SLC9A9: variants seen among roughly 807,000 people sequenced by gnomAD.
The protein encoded by SLC9A9 is solute carrier family 9 member A9.
A neutral mutation model predicts 77.8 loss-of-function variants in SLC9A9; 62 were observed. The ratio of observed to expected loss-of-function variants is 0.80; its 90% CI spans 0.65 to 0.98. The LOEUF is 0.98. Among genes scored for constraint, SLC9A9 ranks in the 50% least tolerant of loss-of-function variants. The probability of loss-of-function intolerance (pLI) is 0.00; values close to 1 mark genes in which losing one functional copy is unlikely to be tolerated. For synonymous variants in SLC9A9, 320 were observed against 283.5 expected (o/e 1.13, Z -1.29); for missense variants, 775 against 774.9 (o/e 1.00, Z 0.00).
intron 12 of SLC9A9, among the ~76,000 whole-genome samples, chr3:143,427,923 A>G (rs1395519816): frequency 6.6e-6 from 1 of 152,196 alleles, no homozygotes; most frequent in Non-Finnish European, 1.5e-5. Flanking sequence ...CTCTCACCAT[A>G]TATACAAATC....
chr3:143,302,973 AG>A, intron 14 of SLC9A9, among the ~76,000 whole-genome samples: 1 of 152,294 alleles, frequency 6.6e-6, no homozygotes, highest in Non-Finnish European at 1.5e-5. Flanking sequence ...AACACCACGG[AG>A]GGCTTCTTGG....
At chr3:143,736,409 C>T (rs1212491145) in intron 4 of SLC9A9, among the ~76,000 whole-genome samples, 3 of 152,148 alleles carry the variant, frequency 2.0e-5, no homozygotes, top group South Asian at 2.1e-4. Flanking sequence ...TACTAAGCAT[C>T]GGCTACATAG....
intron 5 of SLC9A9, among the ~76,000 whole-genome samples, chr3:143,674,549 C>A (rs1429681046): frequency 2.0e-5 from 3 of 152,028 alleles, no homozygotes; most frequent in Non-Finnish European, 1.5e-5. Context: ...AGAATTAGAG[C>A]GACACCTAGC....
At chr3:143,306,310 C>G (rs1415644890) in intron 14 of SLC9A9, among the ~76,000 whole-genome samples, 3 of 152,172 alleles carry the variant, frequency 2.0e-5, no homozygotes, top group African/African-American at 7.2e-5. Context: ...ACAGGCTCGC[C>G]TCATAGAAAG....
At position 143,371,496 on chromosome 3, in the gene SLC9A9, T is replaced by A. The variant is rs144625522; in HGVS notation, c.1525-7933A>T. Among the ~76,000 whole-genome samples, 1,010 of 152,198 alleles carry A rather than the reference T, an allele frequency of 6.6e-3. 23 individuals are homozygous for A. The highest frequency in any genetic ancestry group is 9.3e-3 in the South Asian group (45 of 4,814). ...ATAAGACATAGCATATCATAACAACTGCTAGACATGGGAGGAAGCAGGAAA... is the reference window on the plus strand; with the variant it reads ...ATAAGACATAGCATATCATAACAACAGCTAGACATGGGAGGAAGCAGGAAA... On this transcript the variant is annotated intron_variant, in intron 13 of 15. Coordinates refer to ENST00000316549, the MANE Select transcript of SLC9A9 (RefSeq NM_173653.4).
chr3:143,466,499 A>G lies in SLC9A9; in HGVS notation c.1469+538T>C, dbSNP rs115210027. ...TGGAGGGCCACTGACTGAAGCCTTT[A>G]TCCCCTTTTCCTGTATGAAAGTGTC... On this transcript the variant is annotated intron_variant, in intron 12 of 15. Transcript: ENST00000316549. 2.9e-3 allele frequency among the ~76,000 whole-genome samples: 443 copies of G among 152,318 alleles called. 3 individuals are homozygous for G. Among genetic ancestry groups the G allele is most frequent in the African/African-American group, 9.9e-3 (410 of 41,564 alleles).
chr3:143,523,642 C>A (rs766820982), intron 9 of SLC9A9, among the ~76,000 whole-genome samples: 3 of 152,160 alleles, frequency 2.0e-5, no homozygotes, highest in Non-Finnish European at 4.4e-5. Context: ...TTAATACCTA[C>A]TGTGCAAACT....
chr3:143,766,063 A>T (rs1194923385), intron 4 of SLC9A9, among the ~76,000 whole-genome samples: 1 of 152,182 alleles, frequency 6.6e-6, no homozygotes, highest in Admixed American at 6.6e-5. Flanking sequence ...CCAGCAGAGC[A>T]AAGCCTAAAG....
In SLC9A9 at chr3:143,848,335, T is replaced by C. The variant is rs376458609; in HGVS notation, c.-13A>G. 2 of 1,613,760 alleles carry C rather than the reference T, an allele frequency of 1.2e-6. No homozygotes were observed. Among genetic ancestry groups the C allele is most frequent in the African/African-American group, 2.7e-5 (2 of 74,908 alleles). On this transcript the variant is annotated 5_prime_UTR_variant, in exon 1 of 16. Transcript: ENST00000316549. ...ACTGTCTCTCCATTCCCCAGTCTTC[T>C]TGGGATTCCTTAGATAAAAACCTGG...
chr3:143,372,186 C>A (rs2033073583), intron 13 of SLC9A9, among the ~76,000 whole-genome samples: 1 of 152,072 alleles, frequency 6.6e-6, no homozygotes, highest in Admixed American at 6.5e-5. Context: ...AAAATAACTA[C>A]CGTTTTTCAC....
chr3:143,673,451 G>T (rs2039190336), intron 5 of SLC9A9, among the ~76,000 whole-genome samples: 1 of 151,402 alleles, frequency 6.6e-6, no homozygotes, highest in Non-Finnish European at 1.5e-5. Flanking sequence ...AAATCACAAA[G>T]AAAATGCACA....
intron 4 of SLC9A9, among the ~76,000 whole-genome samples, chr3:143,767,759 A>T (rs546567415): frequency 1.1e-4 from 17 of 152,314 alleles, no homozygotes; most frequent in African/African-American, 3.8e-4. Flanking sequence ...AGAAATGGCT[A>T]TTTAGATGCC....
chr3:143,716,163 C>T (rs1265113826), intron 4 of SLC9A9, among the ~76,000 whole-genome samples: 1 of 152,136 alleles, frequency 6.6e-6, no homozygotes, highest in Non-Finnish European at 1.5e-5. Flanking sequence ...TAGCCTTGAC[C>T]TCCTGGGCTC....
intron 9 of SLC9A9, among the ~76,000 whole-genome samples, chr3:143,526,710 T>C (rs2036412332): frequency 6.6e-6 from 1 of 152,222 alleles, no homozygotes; most frequent in South Asian, 2.1e-4. Context: ...ATATTAATTC[T>C]TGAAGCCGAT....
intron 2 of SLC9A9, among the ~76,000 whole-genome samples, chr3:143,798,057 C>G (rs569942211): frequency 6.6e-6 from 1 of 152,148 alleles, no homozygotes; most frequent in Non-Finnish European, 1.5e-5. Flanking sequence ...ACTAACCAGC[C>G]CAAGGAACAT....
chr3:143,789,214 C>T (rs1221631298), intron 4 of SLC9A9, among the ~76,000 whole-genome samples: 1 of 152,186 alleles, frequency 6.6e-6, no homozygotes, highest in East Asian at 1.9e-4. Flanking sequence ...TATCTCCATA[C>T]TTTACGGCCA....
intron 4 of SLC9A9, among the ~76,000 whole-genome samples, chr3:143,700,466 A>G (rs754134245): frequency 2.0e-5 from 3 of 152,140 alleles, no homozygotes; most frequent in African/African-American, 7.2e-5. Context: ...TAGGCCAGGT[A>G]GCATTAACTG....
At chr3:143,312,812 C>T (rs1389774101) in intron 14 of SLC9A9, among the ~76,000 whole-genome samples, 2 of 152,222 alleles carry the variant, frequency 1.3e-5, no homozygotes, top group South Asian at 2.1e-4. Context: ...TCTCTTATAC[C>T]TCTGACCATT....
chr3:143,802,273 T>C (rs574955600), intron 2 of SLC9A9, among the ~76,000 whole-genome samples: 36 of 152,314 alleles, frequency 2.4e-4, no homozygotes, highest in African/African-American at 8.7e-4. Context: ...TACAAGCCGC[T>C]AGCCCGCCTC....
Sources: gnomAD v4.1 joint callset for allele counts (sites outside exome capture counted in the v4.1 genomes callset) on GRCh38, gnomAD v4.1.1 for gene constraint, MANE v1.5 for transcripts, NCBI Gene and HGNC (gene_info 2026-07-23, HGNC 2026-07-21) for gene names.